The following SNX1 variants were observed in gnomAD, a reference collection of about 807,000 sequenced individuals.
SNX1 encodes the protein sorting nexin 1, also known as sorting nexin-1.
SNX1 carries 36 observed loss-of-function variants against 71.8 expected under a neutral mutation model. The observed-to-expected ratio is 0.50, with a 90% CI of 0.38 to 0.66. The LOEUF (loss-of-function observed/expected upper bound fraction) is 0.66. Among genes scored for constraint, SNX1 ranks in the 30% least tolerant of loss-of-function variants. SNX1 has a pLI of 0.00. For synonymous variants in SNX1, 254 were observed against 240.7 expected, an observed-to-expected ratio of 1.06 and a Z score of -0.51; for missense variants, 612 against 646.7, an observed-to-expected ratio of 0.95 and a Z score of 0.58.
rs140741439 is a variant in SNX1 at position 64,137,198 on chromosome 15, C to T, written c.1518+266C>T. On this transcript the variant is annotated intron_variant, in intron 14 of 14. Transcript: ENST00000559844. ...CCCCATCTCCCTGTAACTGCTTACC[C>T]TTCGAGGAGCCACCCCATGGTACCA... is the stretch of plus-strand genomic sequence containing the variant. Among the ~76,000 whole-genome samples, 408 of 152,340 alleles carry T rather than the reference C, an allele frequency of 2.7e-3. 1 individual carries two copies. Among genetic ancestry groups the T allele is most frequent in the African/African-American group, 9.5e-3 (395 of 41,576 alleles).
In SNX1 at chr15:64,126,168, G is replaced by A. The variant is rs772453683; in HGVS notation, c.600G>A (p.Lys200=). The part of the protein sequence containing the change: ...FLGLYEKLSE[K]HSQNGFIVPP... ...GTCTTTATGAGAAGCTTTCCGAGAA[G>A]CACTCTCAGAATGGCTTCATTGTCC... is the stretch of plus-strand genomic sequence containing the variant. Residue 200 remains lysine (K), a synonymous_variant, in exon 6 of 15, where the codon AAG becomes AAA. Transcript: ENST00000559844. 8 of 1,614,112 alleles carry A rather than the reference G, an allele frequency of 5.0e-6. 1 individual carries two copies. In the Admixed American group the frequency reaches 5.0e-5, roughly 10 times the overall value.
rs1447664529 is a variant in SNX1 at position 64,141,583 on chromosome 15, G to A, written c.*3965G>A. 1 of 152,332 alleles carries A rather than the reference G, an allele frequency of 6.6e-6. No individual in the cohort carries two copies. Among genetic ancestry groups the A allele is most frequent in the Non-Finnish European group, 1.5e-5 (1 of 68,124 alleles). The allele number at this position is 152,332 out of a possible 1,614,324, so 9.4% of individuals were successfully genotyped here. A position where few individuals can be genotyped will look rare whatever the true frequency, so the allele number is the denominator to read the frequency against. On this transcript the variant is annotated 3_prime_UTR_variant, in exon 15 of 15. Coordinates refer to ENST00000559844, the MANE Select transcript of SNX1 (RefSeq NM_003099.5). This position sits in a 1 kb window ranked among gnomAD's most constrained non-coding sequence, Gnocchi z 5.1. Reference sequence around the variant, plus strand: ...GTTGCTTCTGCCTCCCTGTCTGTCTGGCAGGGTGAGGTAGGCGCATCTAGG... The same window carrying A: ...GTTGCTTCTGCCTCCCTGTCTGTCTAGCAGGGTGAGGTAGGCGCATCTAGG...
In SNX1 at chr15:64,096,165, C is replaced by A; in HGVS notation, c.152C>A (p.Ala51Glu). 1 of 1,550,746 alleles carries A rather than the reference C, an allele frequency of 6.4e-7. No homozygotes were observed. The highest frequency in any genetic ancestry group is 8.7e-7 in the Non-Finnish European group (1 of 1,147,206). The change falls in exon 1 of 15, where the codon GCG becomes GAG. Residue 51 changes from alanine (A) to glutamate (E), a missense_variant. Ala to Glu is a moderately radical substitution (Grantham distance 107). This residue lies in a region of SNX1 where 316 missense variants were observed against 284.9 expected (regional missense o/e 1.11). Transcript: ENST00000559844. ...GGGGAGGACATTTTCACCGGCGCCG[C>A]GGTGGTCGTGAGTTTGCACCCCTCG... ...TEGEDIFTGA[A>E]VVSKHQSPKI...
chr15:64,137,544 C>T, intron 14 of SNX1, 24 bp from the exon 15 acceptor site: 2 of 1,613,940 alleles, frequency 1.2e-6, no homozygotes, highest in South Asian at 2.2e-5. Flanking sequence ...GGGGCACTTG[C>T]TTAATGTCCC....
intron 11 of SNX1, among the ~76,000 whole-genome samples, chr15:64,133,306 T>A (rs971293941): frequency 6.6e-6 from 1 of 152,200 alleles, no homozygotes; most frequent in African/African-American, 2.4e-5. Flanking sequence ...TTACCTAATC[T>A]TTTGACATTG....
chr15:64,127,347 A>G (rs1214616584), intron 7 of SNX1, 95 bp downstream of exon 7: 13 of 950,578 alleles, frequency 1.4e-5, no homozygotes, highest in Middle Eastern at 2.1e-4. Context: ...TGAGTTAGAG[A>G]TGAAACGTGA....
rs1017077793 is a variant in SNX1 at position 64,138,930 on chromosome 15, G to C, written c.*1312G>C. 6.6e-6 allele frequency: 1 copy of C among 152,256 alleles called. No homozygotes were observed. Among genetic ancestry groups the C allele is most frequent in the African/African-American group, 2.4e-5 (1 of 41,446 alleles). The allele number at this position is 152,256 out of a possible 1,614,324, so 9.4% of individuals were successfully genotyped here. ...TCCTGCTGTATCAGTTCTCTTTGGT[G>C]GGGGGCTAAGGTTTGGGGCGAGGCA... On this transcript the variant is annotated 3_prime_UTR_variant, in exon 15 of 15. Coordinates refer to ENST00000559844, the MANE Select transcript of SNX1 (RefSeq NM_003099.5).
In SNX1 at chr15:64,134,393, T is replaced by C; in HGVS notation, c.1222-271T>C. ...TTCTGTAAGCCATAGTATTGGTCACTGGCATGAGGCCACCTACTGGATCCC... is the reference window on the plus strand; with the variant it reads ...TTCTGTAAGCCATAGTATTGGTCACCGGCATGAGGCCACCTACTGGATCCC... On this transcript the variant is annotated intron_variant, in intron 11 of 14. Coordinates refer to ENST00000559844, the MANE Select transcript of SNX1 (RefSeq NM_003099.5). The surrounding 1 kb of genome is among the most constrained non-coding windows in gnomAD (Gnocchi z 4.1). The C allele has an allele frequency of 4.5e-6, 2 of 443,660 alleles. No individual in the cohort carries two copies. Among genetic ancestry groups the C allele is most frequent in the Non-Finnish European group, 8.2e-6 (2 of 245,360 alleles). 27.5% of individuals were successfully genotyped at this position (443,660 alleles called of 1,614,324 possible). A position where few individuals can be genotyped will look rare whatever the true frequency, so the allele number is the denominator to read the frequency against.
Position 64,118,266 on chromosome 15 carries a change from C to T in SNX1, c.399+22C>T, listed in dbSNP as rs747926236. 4.4e-6 allele frequency: 7 copies of T among 1,599,568 alleles called. No homozygotes were observed. The Admixed American group carries it at 1.3e-4, about 30-fold the overall frequency. On this transcript the variant is annotated intron_variant, in intron 3 of 14. Coordinates refer to ENST00000559844, the MANE Select transcript of SNX1 (RefSeq NM_003099.5). ...GGAGGTGAGGATCTGTGCTCTTGGT[C>T]TTATCGCTTTTAGATATTGAGGACT...
rs201228268 is a variant in SNX1, at chr15:64,127,737, T to C, written c.738T>C (p.Leu246=). ...EKRRAALERY[L]QRIVNHPTML... ...ATAACTGCTTACCTTTTAGGTACCT[T>C]CAGAGGATTGTAAATCATCCTACCA... Residue 246 remains leucine, a synonymous_variant, in exon 8 of 15, where the codon CTT becomes CTC. Transcript: ENST00000559844. 3.7e-6 allele frequency: 6 copies of C among 1,613,716 alleles called. No individual in the cohort carries two copies. Among genetic ancestry groups the C allele is most frequent in the Non-Finnish European group, 5.1e-6 (6 of 1,179,624 alleles).
At chr15:64,125,048 G>C (rs2081235911) in intron 5 of SNX1, among the ~76,000 whole-genome samples, 1 of 152,198 alleles carries the variant, frequency 6.6e-6, no homozygotes, top group Non-Finnish European at 1.5e-5. Flanking sequence ...AGAGGTTACT[G>C]TCTACAGCTT....
At chr15:64,117,958 C>G (rs1175442309) in intron 2 of SNX1, among the ~76,000 whole-genome samples, 159 bp from the exon 3 acceptor site, 1 of 152,198 alleles carries the variant, frequency 6.6e-6, no homozygotes, top group Non-Finnish European at 1.5e-5. Context: ...CCTTACCTTC[C>G]TCCCCTTTTC....
At chr15:64,111,467 G>C (rs1328426633) in intron 1 of SNX1, 1 of 152,136 alleles carries the variant, frequency 6.6e-6, no homozygotes, top group Non-Finnish European at 1.5e-5. Context: ...TTTAAGACTA[G>C]TCAAGTGCAG....
At chr15:64,108,588 G>T (rs1302534978) in intron 1 of SNX1, among the ~76,000 whole-genome samples, 1 of 152,116 alleles carries the variant, frequency 6.6e-6, no homozygotes, top group African/African-American at 2.4e-5. Flanking sequence ...AATAAAACTT[G>T]ATAATGTTAT....
At chr15:64,128,912 T>C (rs2081279528) in intron 8 of SNX1, among the ~76,000 whole-genome samples, 1 of 152,080 alleles carries the variant, frequency 6.6e-6, no homozygotes, top group Non-Finnish European at 1.5e-5. Flanking sequence ...TCTCCAGACA[T>C]TGCCAAATGT....
intron 4 of SNX1, among the ~76,000 whole-genome samples, chr15:64,119,288 G>A (rs1490553126): frequency 2.6e-5 from 4 of 151,914 alleles, no homozygotes; most frequent in African/African-American, 9.7e-5. Flanking sequence ...CTACCATGCC[G>A]ACTAATTCTT....
intron 4 of SNX1, 93 bp downstream of exon 4, chr15:64,118,947 T>A: frequency 1.1e-6 from 1 of 885,142 alleles, no homozygotes; most frequent in Non-Finnish European, 1.8e-6. Flanking sequence ...AGAGTTGAAC[T>A]AGCCAATGTG....
intron 12 of SNX1, among the ~76,000 whole-genome samples, chr15:64,135,778 T>C (rs1423321731): frequency 4.7e-5 from 5 of 107,232 alleles, no homozygotes; most frequent in African/African-American, 1.6e-4. Context: ...AAAAAAAAAT[T>C]AGACGTGATG....
In SNX1 at chr15:64,137,740, T is replaced by G; in HGVS notation, c.*122T>G. ...GCTGGACTTAACCCCTTCCTCCCTG[T>G]CCCCACGACCAACTGTCCCCAGTTA... On this transcript the variant is annotated 3_prime_UTR_variant, in exon 15 of 15. Coordinates refer to ENST00000559844, the MANE Select transcript of SNX1 (RefSeq NM_003099.5). 6.6e-7 allele frequency: 1 copy of G among 1,524,404 alleles called. No homozygotes were observed. The highest frequency in any genetic ancestry group is 1.2e-5 in the South Asian group (1 of 81,596). 94.4% of individuals were successfully genotyped at this position (1,524,404 alleles called of 1,614,324 possible). A position where few individuals can be genotyped will look rare whatever the true frequency, so the allele number is the denominator to read the frequency against.
Sources: gnomAD v4.1 joint callset for allele counts (sites outside exome capture counted in the v4.1 genomes callset) on GRCh38, gnomAD v4.1.1 for gene constraint, gnomAD v4.1.1 regional missense constraint, Gnocchi (gnomAD v3.1) non-coding constraint, MANE v1.5 for transcripts, NCBI Gene and HGNC (gene_info 2026-07-23, HGNC 2026-07-21) for gene names.